The following PCGF5 variants were observed in gnomAD, a reference collection of about 807,000 sequenced individuals.
The protein encoded by PCGF5 is polycomb group ring finger 5, also known as polycomb group RING finger protein 5.
PCGF5 carries 9 observed loss-of-function variants against 44.3 expected under a neutral mutation model. The observed-to-expected ratio is 0.20, with a 90% CI of 0.12 to 0.35. The LOEUF (loss-of-function observed/expected upper bound fraction) is 0.35. Among genes scored for constraint, PCGF5 ranks in the 10% least tolerant of loss-of-function variants. The pLI is 1.00. For missense variants in PCGF5, 146 were observed against 305.3 expected (o/e 0.48, Z 3.89); for synonymous variants, 95 against 102.5 (o/e 0.93, Z 0.44).
At chr10:91,255,748 A>G (rs751432263) in intron 6 of PCGF5, among the ~76,000 whole-genome samples, 1 of 152,110 alleles carries the variant, frequency 6.6e-6, no homozygotes, top group Non-Finnish European at 1.5e-5. Flanking sequence ...AACAACAACA[A>G]CAAAATATGG....
At chr10:91,208,258 T>C (rs1844382616) in intron 1 of PCGF5, among the ~76,000 whole-genome samples, 1 of 152,220 alleles carries the variant, frequency 6.6e-6, no homozygotes, top group Non-Finnish European at 1.5e-5. Context: ...AAATATGGAC[T>C]CATGGATTAT....
In PCGF5 at chr10:91,196,530, G is replaced by A. The variant is rs191379350; in HGVS notation, c.-183-26159G>A. ...GATCTTTCCATGGCTTCACAGTCATGCAGGTTTCAGCAGAAATGTTGTATC... is the reference window on the plus strand; with the variant it reads ...GATCTTTCCATGGCTTCACAGTCATACAGGTTTCAGCAGAAATGTTGTATC... On this transcript the variant is annotated intron_variant, in intron 1 of 9. Coordinates refer to the PCGF5 transcript ENST00000614189. Among the ~76,000 whole-genome samples the A allele has an allele frequency of 1.3e-3, 195 of 152,282 alleles. 1 individual carries two copies. The highest frequency in any genetic ancestry group is 4.5e-3 in the African/African-American group (188 of 41,554).
At chr10:91,236,304 A>G (rs966148249) in intron 2 of PCGF5, among the ~76,000 whole-genome samples, 4 of 152,166 alleles carry the variant, frequency 2.6e-5, no homozygotes, top group African/African-American at 9.7e-5. Context: ...CAGGGAGGAT[A>G]GTAACTGTCC....
At chr10:91,196,725 G>A (rs1844141619) in intron 1 of PCGF5, among the ~76,000 whole-genome samples, 2 of 152,150 alleles carry the variant, frequency 1.3e-5, no homozygotes, top group Admixed American at 1.3e-4. Context: ...GACTCTATGA[G>A]GGCAGCTTGA....
At chr10:91,169,609 A>G (rs556736622) in intron 1 of PCGF5, among the ~76,000 whole-genome samples, 1 of 152,376 alleles carries the variant, frequency 6.6e-6, no homozygotes, top group Admixed American at 6.5e-5. Context: ...GAAAACTATC[A>G]AATTTTGATA....
At chr10:91,202,130 G>T (rs1404505959) in intron 1 of PCGF5, among the ~76,000 whole-genome samples, 7 of 152,182 alleles carry the variant, frequency 4.6e-5, no homozygotes, top group Admixed American at 4.6e-4. Context: ...ATTATTGTGA[G>T]AAATAAATAA....
At chr10:91,188,767 C>A (rs1239909666) in intron 1 of PCGF5, among the ~76,000 whole-genome samples, 1 of 152,144 alleles carries the variant, frequency 6.6e-6, no homozygotes. Flanking sequence ...AGAAAAAAGT[C>A]CAGATCTACA....
At chr10:91,251,992 T>A (rs1476985345) in intron 6 of PCGF5, among the ~76,000 whole-genome samples, 2 of 152,038 alleles carry the variant, frequency 1.3e-5, no homozygotes, top group Non-Finnish European at 2.9e-5. Context: ...TGGTACTGTT[T>A]TCCTCTGCCT....
chr10:91,188,378 G>C (rs939365385), intron 1 of PCGF5, among the ~76,000 whole-genome samples: 2 of 152,158 alleles, frequency 1.3e-5, no homozygotes, highest in Non-Finnish European at 2.9e-5. Context: ...ATAGGCTTTA[G>C]TTCAGTTCAA....
At chr10:91,185,161 C>G (rs1407027825) in intron 1 of PCGF5, among the ~76,000 whole-genome samples, 1 of 152,234 alleles carries the variant, frequency 6.6e-6, no homozygotes, top group African/African-American at 2.4e-5. Context: ...CTTCTGGGAA[C>G]TCTCTCCCAG....
chr10:91,269,666 A>G (rs1337575944), intron 8 of PCGF5, among the ~76,000 whole-genome samples: 1 of 152,190 alleles, frequency 6.6e-6, no homozygotes, highest in African/African-American at 2.4e-5. Context: ...ATAGATACAA[A>G]TTGTCCTCTG....
At chr10:91,167,204 T>C (rs2133160438) in intron 1 of PCGF5, among the ~76,000 whole-genome samples, 2 of 152,342 alleles carry the variant, frequency 1.3e-5, no homozygotes, top group South Asian at 4.1e-4. Context: ...TGCTATATGA[T>C]GGATATGAAG....
intron 8 of PCGF5, among the ~76,000 whole-genome samples, chr10:91,268,638 A>G (rs1846102959): frequency 6.6e-6 from 1 of 152,092 alleles, no homozygotes; most frequent in Non-Finnish European, 1.5e-5. Context: ...CCATATTCAG[A>G]TTACCCCTTT....
In PCGF5 at chr10:91,228,340, T is replaced by C. The variant is rs149990757; in HGVS notation, c.112+5357T>C. ...ACAGTGTATTGGTTCTTAACCCTTT[T>C]GTGGTCAGAGGCCCCTCTAAGAATC... On this transcript the variant is annotated intron_variant, in intron 2 of 9. Transcript: ENST00000336126. 5.2e-3 allele frequency among the ~76,000 whole-genome samples: 784 copies of C among 152,232 alleles called. 8 individuals are homozygous for C. The highest frequency in any genetic ancestry group is 0.018 in the African/African-American group (740 of 41,546).
In PCGF5 at chr10:91,279,621, A is replaced by G. The variant is rs11186527; in HGVS notation, c.*1305A>G. The stretch of plus-strand genomic sequence containing the variant: ...AATTATATGAAAACTGTCATTTTAA[A>G]TCTTTTAATATTTACAGTTTTCAAA... On this transcript the variant is annotated 3_prime_UTR_variant, in exon 10 of 10. Coordinates refer to ENST00000336126, the MANE Select transcript of PCGF5 (RefSeq NM_032373.5). The G allele has an allele frequency of 1.3e-5, 2 of 152,276 alleles. No homozygotes were observed. Among genetic ancestry groups the G allele is most frequent in the East Asian group, 3.9e-4 (2 of 5,188 alleles). 9.4% of individuals were successfully genotyped at this position (152,276 alleles called of 1,614,324 possible).
At chr10:91,192,729 G>A (rs1396121527) in intron 1 of PCGF5, among the ~76,000 whole-genome samples, 1 of 152,152 alleles carries the variant, frequency 6.6e-6, no homozygotes, top group Non-Finnish European at 1.5e-5. Flanking sequence ...GGTGGTAAGA[G>A]CAGTGGTGGA....
At chr10:91,267,276 C>T (rs1188943040) in intron 8 of PCGF5, among the ~76,000 whole-genome samples, 2 of 152,204 alleles carry the variant, frequency 1.3e-5, no homozygotes, top group African/African-American at 4.8e-5. Flanking sequence ...CTGACCTCCT[C>T]TAAAACTACA....
At chr10:91,267,465 G>T (rs753612248) in intron 8 of PCGF5, among the ~76,000 whole-genome samples, 3 of 152,130 alleles carry the variant, frequency 2.0e-5, no homozygotes, top group Non-Finnish European at 4.4e-5. Flanking sequence ...AGCACCTAGG[G>T]CAGTGCCCAG....
chr10:91,234,810 A>G (rs1026913036), intron 2 of PCGF5, among the ~76,000 whole-genome samples: 5 of 152,252 alleles, frequency 3.3e-5, no homozygotes, highest in Non-Finnish European at 5.9e-5. Flanking sequence ...TCTTCCTTGT[A>G]CACAGAAACA....
Sources: allele counts gnomAD v4.1 joint callset (sites outside exome capture counted in the v4.1 genomes callset), GRCh38; gene constraint gnomAD v4.1.1; transcripts MANE v1.5; gene names NCBI Gene and HGNC (gene_info 2026-07-23, HGNC 2026-07-21).